Variants in LSAMP observed in about 807,000 individuals in gnomAD.
LSAMP encodes limbic system-associated membrane protein.
LSAMP carries 7 observed loss-of-function variants against 38.6 expected under a neutral mutation model. The observed-to-expected ratio is 0.18, with a 90% CI of 0.10 to 0.34. The LOEUF (loss-of-function observed/expected upper bound fraction) is 0.34, where lower values mean the gene tolerates loss of function less well. LSAMP is among the 10% of genes least tolerant of loss of function. The pLI, the probability that LSAMP is intolerant of heterozygous loss-of-function variation, is 1.00. For missense variants in LSAMP, 313 were observed against 420.0 expected, an observed-to-expected ratio of 0.75 and a Z score of 2.23; for synonymous variants, 154 against 166.8, an observed-to-expected ratio of 0.92 and a Z score of 0.59.
chr3:115,965,590 A>C (rs1181330915), intron 3 of LSAMP, among the ~76,000 whole-genome samples: 2 of 148,592 alleles, frequency 1.3e-5, no homozygotes, highest in African/African-American at 5.1e-5. Flanking sequence ...ACCAACTAGA[A>C]GATTTTTGTA....
chr3:116,090,791 T>A (rs1708104760), intron 1 of LSAMP, among the ~76,000 whole-genome samples: 1 of 151,996 alleles, frequency 6.6e-6, no homozygotes, highest in African/African-American at 2.4e-5. Flanking sequence ...GGGGAGGGAA[T>A]GTGTGAATAG....
intron 1 of LSAMP, among the ~76,000 whole-genome samples, chr3:116,161,637 G>A (rs1450119741): frequency 6.6e-6 from 1 of 152,132 alleles, no homozygotes; most frequent in Non-Finnish European, 1.5e-5. Context: ...AAGCAAACAG[G>A]AGGAATGCTG....
chr3:116,146,711 G>A (rs1327800523), intron 1 of LSAMP, among the ~76,000 whole-genome samples: 2 of 151,896 alleles, frequency 1.3e-5, no homozygotes, highest in African/African-American at 4.8e-5. Context: ...TTAGGATAAT[G>A]AGGTGATTAT....
intron 3 of LSAMP, among the ~76,000 whole-genome samples, chr3:115,991,682 G>A (rs1009315520): frequency 2.6e-5 from 4 of 152,008 alleles, no homozygotes; most frequent in Admixed American, 6.6e-5. Context: ...AAGAAAATGC[G>A]GCTTGTAGCC....
At chr3:115,963,792 T>C (rs1938704166) in intron 3 of LSAMP, among the ~76,000 whole-genome samples, 1 of 152,200 alleles carries the variant, frequency 6.6e-6, no homozygotes, top group African/African-American at 2.4e-5. Flanking sequence ...CTTGCTGTGT[T>C]GCCCAGGCTG....
At chr3:116,146,920 A>C (rs1323909876) in intron 1 of LSAMP, among the ~76,000 whole-genome samples, 1 of 151,936 alleles carries the variant, frequency 6.6e-6, no homozygotes, top group Admixed American at 6.6e-5. Context: ...ACTACTTATC[A>C]GAAATATAGT....
intron 3 of LSAMP, among the ~76,000 whole-genome samples, chr3:115,854,463 T>C (rs1935445548): frequency 6.6e-6 from 1 of 151,744 alleles, no homozygotes. Flanking sequence ...TTTGTATTTT[T>C]AGTAGAGACG....
chr3:116,316,700 G>A (rs1009676030), intron 1 of LSAMP, among the ~76,000 whole-genome samples: 3 of 151,148 alleles, frequency 2.0e-5, no homozygotes, highest in Admixed American at 6.6e-5. Flanking sequence ...GAACCCGGGA[G>A]GCAGAGGTTG....
At chr3:116,187,999 T>G in intron 1 of LSAMP, among the ~76,000 whole-genome samples, 1 of 152,254 alleles carries the variant, frequency 6.6e-6, no homozygotes, top group East Asian at 1.9e-4. Flanking sequence ...TGTGTGTCCG[T>G]GTGTTTTCAT....
intron 3 of LSAMP, among the ~76,000 whole-genome samples, chr3:116,016,788 G>T (rs559483425): frequency 1.3e-5 from 2 of 152,050 alleles, no homozygotes; most frequent in African/African-American, 4.8e-5. Context: ...ATATATTTTT[G>T]CATGTCAAAG....
chr3:115,891,592 T>C (rs1401351872), intron 3 of LSAMP, among the ~76,000 whole-genome samples: 1 of 151,940 alleles, frequency 6.6e-6, no homozygotes, highest in African/African-American at 2.4e-5. Flanking sequence ...TTGTTTGTTA[T>C]ATGGCAGGGT....
chr3:115,861,853 C>T (rs1295326535), intron 3 of LSAMP, among the ~76,000 whole-genome samples: 11 of 151,892 alleles, frequency 7.2e-5, no homozygotes, highest in African/African-American at 1.5e-4. Flanking sequence ...GTAATCTACA[C>T]GAGTTGTAAT....
intron 1 of LSAMP, among the ~76,000 whole-genome samples, chr3:116,138,667 C>T (rs1408847693): frequency 1.3e-5 from 2 of 151,882 alleles, no homozygotes; most frequent in African/African-American, 4.8e-5. Flanking sequence ...GGATCAGTCA[C>T]AAAGTGAAGA....
chr3:116,238,495 G>A (rs2046493045), intron 1 of LSAMP, among the ~76,000 whole-genome samples: 1 of 152,154 alleles, frequency 6.6e-6, no homozygotes, highest in South Asian at 2.1e-4. Context: ...ACTATGACTA[G>A]GCAGACAGCA....
intron 2 of LSAMP, among the ~76,000 whole-genome samples, chr3:116,078,277 C>CATTTATTTATTTATTTATTTATTTA: frequency 6.7e-6 from 1 of 150,176 alleles, no homozygotes; most frequent in African/African-American, 2.4e-5. Context: ...TTTATATCCT[C>CATTTATTTATTTATTTATTTATTTA]TTTATTTATT....
At chr3:116,155,618 A>T (rs926245051) in intron 1 of LSAMP, among the ~76,000 whole-genome samples, 1 of 132,172 alleles carries the variant, frequency 7.6e-6, no homozygotes, top group Non-Finnish European at 1.7e-5. Context: ...GATGTATACA[A>T]GAGGGTGTGT....
At chr3:116,033,253 G>C (rs1281893032) in intron 2 of LSAMP, among the ~76,000 whole-genome samples, 1 of 152,012 alleles carries the variant, frequency 6.6e-6, no homozygotes, top group Non-Finnish European at 1.5e-5. Context: ...TCAAGAAGGG[G>C]GGCATGGCGA....
chr3:116,044,505 G>A (rs796964727), intron 2 of LSAMP, among the ~76,000 whole-genome samples: 118 of 152,092 alleles, frequency 7.8e-4, no homozygotes, highest in African/African-American at 2.6e-3. Context: ...TGTGATGTTT[G>A]TGTGTTCATG....
chr3:115,951,414 A>G (rs1938284360), intron 3 of LSAMP, among the ~76,000 whole-genome samples: 1 of 152,210 alleles, frequency 6.6e-6, no homozygotes, highest in South Asian at 2.1e-4. Context: ...AAGGAACTCA[A>G]ACAAATCAGC....
Sources: allele counts gnomAD v4.1 joint callset (sites outside exome capture counted in the v4.1 genomes callset), GRCh38; gene constraint gnomAD v4.1.1; transcripts MANE v1.5; gene names NCBI Gene and HGNC (gene_info 2026-07-23, HGNC 2026-07-21).